Variants in EPS8L3 observed in about 807,000 individuals in gnomAD.
EPS8L3 encodes the protein epidermal growth factor receptor kinase substrate 8-like protein 3.
Under a neutral mutation model 88.5 loss-of-function variants are expected in EPS8L3, and 80 were observed. The ratio of observed to expected loss-of-function variants is 0.90; its 90% CI spans 0.75 to 1.09. The LOEUF (loss-of-function observed/expected upper bound fraction) is 1.09, where lower values mean the gene tolerates loss of function less well. Among genes scored for constraint, EPS8L3 ranks in the 50% least tolerant of loss-of-function variants. The pLI is 0.00. For synonymous variants in EPS8L3, 286 were observed against 291.0 expected (o/e 0.98, Z 0.18); for missense variants, 721 against 735.2 (o/e 0.98, Z 0.22).
chr1:109,758,767 A>G (rs1650574041), intron 6 of EPS8L3, 104 bp from the exon 7 acceptor site: 1 of 1,407,656 alleles, frequency 7.1e-7, no homozygotes, highest in Non-Finnish European at 9.5e-7. Flanking sequence ...ACCTCTCTCC[A>G]GGAGTCCCAC....
intron 12 of EPS8L3, 123 bp from the exon 13 acceptor site, chr1:109,753,321 A>G (rs1649985333): frequency 6.9e-6 from 5 of 725,684 alleles, no homozygotes; most frequent in African/African-American, 3.6e-5. Flanking sequence ...AATAGGTGAC[A>G]TGGTCCATGT....
chr1:109,754,838 C>A (rs1005064238), intron 12 of EPS8L3, among the ~76,000 whole-genome samples: 7 of 152,210 alleles, frequency 4.6e-5, no homozygotes, highest in African/African-American at 1.7e-4. Flanking sequence ...GCCCTAGGAA[C>A]TGTGAGACTG....
chr1:109,762,331 T>A (rs1651067868), intron 1 of EPS8L3, among the ~76,000 whole-genome samples: 1 of 152,048 alleles, frequency 6.6e-6, no homozygotes, highest in Non-Finnish European at 1.5e-5. Flanking sequence ...TGAGCTGACC[T>A]CCCCCAAGTG....
intron 12 of EPS8L3, 117 bp from the exon 13 acceptor site, chr1:109,753,315 G>A: frequency 1.3e-6 from 1 of 765,306 alleles, no homozygotes; most frequent in East Asian, 2.7e-5. Context: ...TTGGCTAATA[G>A]GTGACATGGT....
At chr1:109,757,679 G>T (rs1650422813) in intron 10 of EPS8L3, 123 bp downstream of exon 10, 15 of 1,385,010 alleles carry the variant, frequency 1.1e-5, no homozygotes, top group African/African-American at 2.8e-5. Flanking sequence ...GAGGGGAGGG[G>T]AGGTTCTAGG....
intron 1 of EPS8L3, among the ~76,000 whole-genome samples, 196 bp from the exon 2 acceptor site, chr1:109,761,969 C>T (rs923147191): frequency 4.6e-5 from 7 of 152,116 alleles, no homozygotes; most frequent in African/African-American, 1.7e-4. Flanking sequence ...CTGGCTGGGC[C>T]TGGAGGCCCC....
At chr1:109,752,787 G>C in intron 13 of EPS8L3, 67 bp from the exon 14 acceptor site, 1 of 1,401,332 alleles carries the variant, frequency 7.1e-7, no homozygotes, top group Non-Finnish European at 9.9e-7. Context: ...GGGAGCTGGG[G>C]TATCCGACCA....
intron 14 of EPS8L3, 129 bp downstream of exon 14, chr1:109,752,557 T>C (rs1649901918): frequency 6.0e-6 from 5 of 836,588 alleles, no homozygotes; most frequent in African/African-American, 3.4e-5. Flanking sequence ...GGGATGTCCT[T>C]GTACATGTTT....
At position 109,759,185 on chromosome 1, in the gene EPS8L3, TGGG is replaced by T; in HGVS notation, c.405+50_405+52del. ...TGTGTGTGTGTGTGTGTGTGTGTGG[TGGG>T]GTGATGGTCGATGAACCCCACCCCT... On this transcript the variant is annotated intron_variant, in intron 5 of 18. Coordinates refer to ENST00000361965, the MANE Select transcript of EPS8L3 (RefSeq NM_133181.4). The surrounding 1 kb of genome is among the most constrained non-coding windows in gnomAD (Gnocchi z 4.2). 2 of 1,541,068 alleles carry T rather than the reference TGGG, an allele frequency of 1.3e-6. No homozygotes were observed. Among genetic ancestry groups the T allele is most frequent in the Non-Finnish European group, 1.8e-6 (2 of 1,123,248 alleles).
intron 14 of EPS8L3, 30 bp downstream of exon 14, chr1:109,752,656 C>T (rs1380050977): frequency 6.5e-7 from 1 of 1,547,844 alleles, no homozygotes; most frequent in Non-Finnish European, 8.7e-7. Flanking sequence ...TCCCCAGGAC[C>T]ACGCAGTCCC....
rs3220009 is a variant in EPS8L3 at position 109,759,144 on chromosome 1, AGTGTGT to A, written c.406-33_406-28del. 174,021 of 1,454,450 alleles carry A rather than the reference AGTGTGT, an allele frequency of 0.12. 2,563 individuals are homozygous for A. The highest frequency in any genetic ancestry group is 0.26 in the African/African-American group (18,157 of 71,092). The allele number at this position is 1,454,450 out of a possible 1,614,324, so 90.1% of individuals were successfully genotyped here. ...TGGGAAGCAGCAGTCAGGCAGGCTA[AGTGTGT>A]GTGTGTGTGTGTGTGTGTGTGTGTG... is the stretch of plus-strand genomic sequence containing the variant. On this transcript the variant is annotated intron_variant, in intron 5 of 18. Coordinates refer to ENST00000361965, the MANE Select transcript of EPS8L3 (RefSeq NM_133181.4). The surrounding 1 kb of genome is among the most constrained non-coding windows in gnomAD (Gnocchi z 4.2).
rs1423495967 is a variant in EPS8L3, at chr1:109,761,548, C to T, written c.43G>A (p.Glu15Lys). The change falls in exon 3 of 19, where the codon GAG becomes AAG. Residue 15 changes from glutamate (E) to lysine (K), a missense_variant. Physicochemically the swap from Glu to Lys is moderately conservative, Grantham distance 56. Coordinates refer to ENST00000361965, the MANE Select transcript of EPS8L3 (RefSeq NM_133181.4). ...SSRAIYLHRK[E>K]YSQNLTSEPT... is the part of the protein sequence containing the mutation. ...TCTGAGGTGAGGTTCTGGGAGTACT[C>T]CTTCCGGTGCACTACAAGGGCACAG... The T allele has an allele frequency of 1.2e-6, 2 of 1,613,574 alleles. No individual in the cohort carries two copies. The highest frequency in any genetic ancestry group is 1.7e-5 in the Admixed American group (1 of 59,966).
rs144523624 is a variant in EPS8L3 at position 109,757,524 on chromosome 1, C to T, written c.926G>A (p.Ser309Asn). ...GRLATWLKET[S>N]APELVHILFK... The stretch of plus-strand genomic sequence containing the variant: ...GAGGATGTGTACGAGCTCAGGGGCA[C>T]TTGTCTCCTTCAGCCAGGTGGCCAG... Residue 309 changes from serine (S) to asparagine (N), a missense_variant, in exon 11 of 19, where the codon AGT becomes AAT. Physicochemically the swap from Ser to Asn is conservative, Grantham distance 46. Coordinates refer to ENST00000361965, the MANE Select transcript of EPS8L3 (RefSeq NM_133181.4). The T allele has an allele frequency of 6.8e-6, 11 of 1,614,016 alleles. No individual in the cohort carries two copies. Among genetic ancestry groups the T allele is most frequent in the Admixed American group, 6.7e-5 (4 of 59,994 alleles).
chr1:109,761,232 T>C, intron 3 of EPS8L3: 2 of 444,230 alleles, frequency 4.5e-6, no homozygotes, highest in East Asian at 3.4e-5. Context: ...CTGCTACTTC[T>C]TCCTGTCTGG....
chr1:109,752,733 G>T lies in EPS8L3; in HGVS notation c.1201-13C>A. On this transcript the variant is annotated splice_polypyrimidine_tract_variant and intron_variant, in intron 13 of 18. Transcript: ENST00000361965. ...ATCCTAAGGGTGCCTGTAAGGGACA[G>T]AACAGAGAGTGAGTAAGAGCAGGAG... 1 of 1,551,740 alleles carries T rather than the reference G, an allele frequency of 6.4e-7. No individual in the cohort carries two copies. Among genetic ancestry groups the T allele is most frequent in the South Asian group, 1.2e-5 (1 of 84,062 alleles).
intron 12 of EPS8L3, among the ~76,000 whole-genome samples, chr1:109,755,960 TTC>T (rs934727153): frequency 5.9e-5 from 9 of 152,266 alleles, no homozygotes; most frequent in Non-Finnish European, 8.8e-5. Context: ...TCTGGAATTA[TTC>T]TCTGTCTTCT....
chr1:109,751,472 T>C lies in EPS8L3; in HGVS notation c.1564-121A>G, dbSNP rs929267136. Reference sequence around the variant, plus strand: ...TCACTTCTCTTACTCTGTGGCTTTCTGGTCTGGCAGGGAGCTGGTCTTGTT... The same window carrying C: ...TCACTTCTCTTACTCTGTGGCTTTCCGGTCTGGCAGGGAGCTGGTCTTGTT... On this transcript the variant is annotated intron_variant, in intron 16 of 18. Coordinates refer to ENST00000361965, the MANE Select transcript of EPS8L3 (RefSeq NM_133181.4). 24 of 1,367,572 alleles carry C rather than the reference T, an allele frequency of 1.8e-5. No individual in the cohort carries two copies. In the African/African-American group the frequency reaches 3.1e-4, roughly 18 times the overall value. 84.7% of individuals were successfully genotyped at this position (1,367,572 alleles called of 1,614,324 possible).
intron 17 of EPS8L3, 106 bp downstream of exon 17, chr1:109,751,172 G>A: frequency 1.1e-6 from 1 of 948,816 alleles, no homozygotes; most frequent in Non-Finnish European, 1.6e-6. Flanking sequence ...GCTGGATCGG[G>A]GTCATGTACA....
rs755219634 is a variant in EPS8L3 at position 109,758,032 on chromosome 1, G to A, written c.744C>T (p.Asp248=). The change falls in exon 9 of 19, where the codon GAC becomes GAT. Residue 248 remains aspartate (D), a synonymous_variant. Coordinates refer to ENST00000361965, the MANE Select transcript of EPS8L3 (RefSeq NM_133181.4). ...DEEVLNHVLR[D]IELFMGKLEK... ...CCAGCTTTCCCATGAACAGCTCAAT[G>A]TCCCTTAGGACATGGTTCAGCACTT... is the stretch of plus-strand genomic sequence containing the variant. 6.2e-7 allele frequency: 1 copy of A among 1,614,060 alleles called. No individual in the cohort carries two copies.
Sources: gnomAD v4.1 joint callset for allele counts (sites outside exome capture counted in the v4.1 genomes callset) on GRCh38, gnomAD v4.1.1 for gene constraint, Gnocchi (gnomAD v3.1) non-coding constraint, MANE v1.5 for transcripts, NCBI Gene and HGNC (gene_info 2026-07-23, HGNC 2026-07-21) for gene names.